The following CD33 variants were observed in gnomAD, a reference collection of about 807,000 sequenced individuals.
CD33 encodes the protein CD33 molecule, also known as myeloid cell surface antigen CD33.
CD33 carries 25 observed loss-of-function variants against 31.4 expected under a neutral mutation model. The ratio of observed to expected loss-of-function variants is 0.80; its 90% CI spans 0.58 to 1.11. The LOEUF (loss-of-function observed/expected upper bound fraction) is 1.11. Ranked by LOEUF, CD33 falls within the 50% of genes most tolerant of loss-of-function variation. CD33 has a pLI of 0.00. For missense variants in CD33, 407 were observed against 448.1 expected, an observed-to-expected ratio of 0.91 and a Z score of 0.83; for synonymous variants, 176 against 180.6, an observed-to-expected ratio of 0.97 and a Z score of 0.20.
chr19:51,228,561 T>G (rs1981190957), intron 4 of CD33, among the ~76,000 whole-genome samples: 1 of 152,240 alleles, frequency 6.6e-6, no homozygotes, highest in South Asian at 2.1e-4. Flanking sequence ...TTCAGCTAAT[T>G]CATTGTGTGT....
At chr19:51,215,561 A>G in the CD33 span, among the ~76,000 whole-genome samples, 3 of 152,102 alleles carry the variant, frequency 2.0e-5, no homozygotes, top group Non-Finnish European at 4.4e-5. Flanking sequence ...CTCTCAGGTG[A>G]GTGTTGTGGA....
the CD33 span, among the ~76,000 whole-genome samples, chr19:51,219,011 T>C: frequency 6.6e-6 from 1 of 152,108 alleles, no homozygotes; most frequent in Non-Finnish European, 1.5e-5. Context: ...ATTTGGGTTC[T>C]TTTTGTTTCT....
At chr19:51,235,718 C>A in intron 6 of CD33, 42 bp downstream of exon 6, 1 of 1,510,950 alleles carries the variant, frequency 6.6e-7, no homozygotes, top group African/African-American at 1.4e-5. Flanking sequence ...GTCCTGCAGA[C>A]ACCTCCTCCC....
At chr19:51,226,110 C>T in intron 3 of CD33, 29 bp downstream of exon 3, 1 of 1,609,572 alleles carries the variant, frequency 6.2e-7, no homozygotes. Context: ...TGCTGGGGTC[C>T]CTGAGGGTGT....
At chr19:51,238,015 T>A (rs1248169959) in intron 6 of CD33, 1 of 152,264 alleles carries the variant, frequency 6.6e-6, no homozygotes, top group Non-Finnish European at 1.5e-5. Flanking sequence ...ATGCAAGGCA[T>A]GAGCAAAGAT....
At chr19:51,217,151 G>A in the CD33 span, among the ~76,000 whole-genome samples, 1 of 152,168 alleles carries the variant, frequency 6.6e-6, no homozygotes, top group African/African-American at 2.4e-5. Flanking sequence ...GCCTGAGCGG[G>A]TCAAGGCACC....
Position 51,239,924 on chromosome 19 carries a change from G to A in CD33, c.*236G>A. The A allele has an allele frequency of 2.8e-6, 1 of 354,586 alleles. No individual in the cohort carries two copies. Among genetic ancestry groups the A allele is most frequent in the Non-Finnish European group, 5.0e-6 (1 of 198,164 alleles). The allele number at this position is 354,586 out of a possible 1,614,324, so 22.0% of individuals were successfully genotyped here. ...TCACACAAGCTCCTTAACCTTCCATGTCTCCATTTTCTTCTCTGTGAAGTA... is the reference window on the plus strand; with the variant it reads ...TCACACAAGCTCCTTAACCTTCCATATCTCCATTTTCTTCTCTGTGAAGTA... On this transcript the variant is annotated 3_prime_UTR_variant, in exon 7 of 7. Transcript: ENST00000262262.
chr19:51,223,087 G>A (rs1309279675), upstream of CD33, among the ~76,000 whole-genome samples: 1 of 152,048 alleles, frequency 6.6e-6, no homozygotes, highest in Non-Finnish European at 1.5e-5. Context: ...CGGCCTGGTA[G>A]TATGAGCCTG....
chr19:51,235,902 C>T (rs112684891), intron 6 of CD33: 83 of 702,424 alleles, frequency 1.2e-4, no homozygotes, highest in Admixed American at 5.6e-4. Context: ...TTCACACCTG[C>T]AATCCCAGCA....
At chr19:51,232,031 G>A (rs1981463280) in intron 4 of CD33, among the ~76,000 whole-genome samples, 1 of 152,106 alleles carries the variant, frequency 6.6e-6, no homozygotes, top group African/African-American at 2.4e-5. Flanking sequence ...CAATGTGCTG[G>A]GATTATAGGC....
chr19:51,213,883 A>G, the CD33 span, among the ~76,000 whole-genome samples: 1 of 93,446 alleles, frequency 1.1e-5, no homozygotes, highest in Admixed American at 1.4e-4. Context: ...TTTTTGATAT[A>G]GGGTCTCGCT....
intron 4 of CD33, among the ~76,000 whole-genome samples, chr19:51,227,510 G>A (rs1981119171): frequency 6.6e-6 from 1 of 152,094 alleles, no homozygotes; most frequent in Non-Finnish European, 1.5e-5. Context: ...TTGGCCATCT[G>A]TATATCTTTT....
In CD33 at chr19:51,235,389, C is replaced by T. The variant is rs1981709415; in HGVS notation, c.842+136C>T. On this transcript the variant is annotated intron_variant, in intron 5 of 6. Transcript: ENST00000262262. ...ATGTACAGAATCCAGCCTGTGGCCACTGGGATAGGCGTGGGTCTATTCCAG... is the reference window on the plus strand; with the variant it reads ...ATGTACAGAATCCAGCCTGTGGCCATTGGGATAGGCGTGGGTCTATTCCAG... The T allele has an allele frequency of 2.5e-6, 3 of 1,218,432 alleles. No homozygotes were observed. In the Admixed American group the frequency reaches 6.8e-5, roughly 28 times the overall value. The allele number at this position is 1,218,432 out of a possible 1,614,324, so 75.5% of individuals were successfully genotyped here.
At chr19:51,216,722 C>T in the CD33 span, among the ~76,000 whole-genome samples, 1 of 150,992 alleles carries the variant, frequency 6.6e-6, no homozygotes, top group Non-Finnish European at 1.5e-5. Flanking sequence ...AAGGAATAAG[C>T]AATAGAAAGT....
intron 4 of CD33, among the ~76,000 whole-genome samples, chr19:51,233,644 C>T (rs888069933): frequency 2.0e-5 from 3 of 152,250 alleles, no homozygotes; most frequent in Non-Finnish European, 4.4e-5. Context: ...GTGTGAATTC[C>T]TGGCAGCTCT....
chr19:51,216,882 G>A, the CD33 span, among the ~76,000 whole-genome samples: 1 of 152,182 alleles, frequency 6.6e-6, no homozygotes, highest in African/African-American at 2.4e-5. Flanking sequence ...AGCAGGCTCT[G>A]TGTGTATATA....
At chr19:51,221,737 C>T (rs117065108), upstream of CD33, among the ~76,000 whole-genome samples, 405 of 152,264 alleles carry the variant, frequency 2.7e-3, no homozygotes, top group African/African-American at 8.2e-3. Context: ...GTCACCCAAA[C>T]CTGAAAACAA....
the CD33 span, among the ~76,000 whole-genome samples, chr19:51,212,417 C>T: frequency 6.6e-6 from 1 of 152,076 alleles, no homozygotes; most frequent in Non-Finnish European, 1.5e-5. Flanking sequence ...GGGTGGGCCT[C>T]TCCTCATCCT....
At chr19:51,216,221 CGAGTGTGTGTGTGTGT>C in the CD33 span, among the ~76,000 whole-genome samples, 57 of 140,676 alleles carry the variant, frequency 4.1e-4, no homozygotes, top group Middle Eastern at 3.6e-3. Flanking sequence ...AAATGTCACC[CGAGTGTGTGTGTGTGT>C]GTGTGTGTGT....
Sources: gnomAD v4.1 joint callset for allele counts (sites outside exome capture counted in the v4.1 genomes callset) on GRCh38, gnomAD v4.1.1 for gene constraint, MANE v1.5 for transcripts, NCBI Gene and HGNC (gene_info 2026-07-23, HGNC 2026-07-21) for gene names.